The following FAT4 variants were observed in gnomAD, a reference collection of about 807,000 sequenced individuals.
The protein encoded by FAT4 is FAT atypical cadherin 4, also known as protocadherin Fat 4.
FAT4 carries 84 observed loss-of-function variants against 303.9 expected under a neutral mutation model. The ratio of observed to expected loss-of-function variants is 0.28; its 90% CI spans 0.23 to 0.33. FAT4 has a LOEUF of 0.33. FAT4 is among the 10% of genes least tolerant of loss of function. The pLI is 1.00. For missense variants in FAT4, 6,005 were observed against 6,146.8 expected (o/e 0.98, Z 0.77); for synonymous variants, 2,307 against 2,298.8 (o/e 1.00, Z -0.10).
intron 2 of FAT4, among the ~76,000 whole-genome samples, chr4:125,362,279 C>A (rs74974788): frequency 6.6e-6 from 1 of 151,576 alleles, no homozygotes; most frequent in Non-Finnish European, 1.5e-5. Flanking sequence ...CTATATATTT[C>A]TTTTCAAGAG....
At chr4:125,457,122 T>TACACACACAC (rs151245014) in intron 10 of FAT4, among the ~76,000 whole-genome samples, 2 of 81,378 alleles carry the variant, frequency 2.5e-5, no homozygotes, top group African/African-American at 1.9e-4. Context: ...GTTTCTCTCA[T>TACACACACAC]ACACACACAC....
chr4:125,413,522 C>G (rs1445396457), intron 5 of FAT4, among the ~76,000 whole-genome samples: 1 of 151,760 alleles, frequency 6.6e-6, no homozygotes, highest in Admixed American at 6.6e-5. Flanking sequence ...AAGTCATTGT[C>G]TGAAAGTTAT....
chr4:125,333,262 G>A (rs918093664), intron 2 of FAT4, among the ~76,000 whole-genome samples: 8 of 151,606 alleles, frequency 5.3e-5, no homozygotes, highest in Admixed American at 6.6e-5. Context: ...ACAAACACAG[G>A]GTAAACAAAG....
intron 12 of FAT4, 53 bp downstream of exon 12, chr4:125,468,872 A>C: frequency 6.5e-7 from 1 of 1,527,218 alleles, no homozygotes; most frequent in South Asian, 1.2e-5. Flanking sequence ...CTTCAAATAA[A>C]GTATGAATTG....
At position 125,317,824 on chromosome 4, in the gene FAT4, T is replaced by C; in HGVS notation, c.1413T>C (p.His471=). The part of the protein sequence containing the change: ...LVIFVNDIND[H]PPVFSQQVYR... ...TTTTTGTTAATGACATCAATGACCA[T>C]CCTCCTGTCTTTTCACAGCAAGTGT... Residue 471 remains histidine (H), a synonymous_variant, in exon 2 of 18, where the codon CAT becomes CAC. Transcript: ENST00000394329. This position sits in a 1 kb window ranked among gnomAD's most constrained non-coding sequence, Gnocchi z 7.0. 1 of 1,614,158 alleles carries C rather than the reference T, an allele frequency of 6.2e-7. No homozygotes were observed. Among genetic ancestry groups the C allele is most frequent in the Non-Finnish European group, 8.5e-7 (1 of 1,180,020 alleles).
intron 13 of FAT4, 40 bp downstream of exon 13, chr4:125,476,296 A>T (rs933944292): frequency 1.7e-6 from 2 of 1,159,272 alleles, no homozygotes; most frequent in Non-Finnish European, 2.4e-6. Context: ...TATTACTTAA[A>T]ATTTTTTAAA....
chr4:125,317,005 G>C lies in FAT4; in HGVS notation c.594G>C (p.Ala198=). 1 of 1,614,070 alleles carries C rather than the reference G, an allele frequency of 6.2e-7. No individual in the cohort carries two copies. Among genetic ancestry groups the C allele is most frequent in the Non-Finnish European group, 8.5e-7 (1 of 1,180,026 alleles). ...DITLNPSGEG[A]FLHLVSKGGL... is the part of the protein sequence containing the mutation. Reference sequence around the variant, plus strand: ...CCCTGAACCCGAGCGGCGAGGGAGCGTTCCTGCATCTGGTGTCCAAGGGCG... The same window carrying C: ...CCCTGAACCCGAGCGGCGAGGGAGCCTTCCTGCATCTGGTGTCCAAGGGCG... Residue 198 remains alanine (A), a synonymous_variant, in exon 2 of 18, where the codon GCG becomes GCC. Transcript: ENST00000394329. The surrounding 1 kb of genome is among the most constrained non-coding windows in gnomAD (Gnocchi z 7.0).
intron 3 of FAT4, among the ~76,000 whole-genome samples, chr4:125,406,576 T>C (rs914597989): frequency 3.3e-5 from 5 of 152,170 alleles, no homozygotes; most frequent in African/African-American, 1.2e-4. Context: ...AATTTGTAAA[T>C]TGCATAGATA....
At chr4:125,414,302 A>G (rs954298382) in intron 5 of FAT4, among the ~76,000 whole-genome samples, 1 of 152,156 alleles carries the variant, frequency 6.6e-6, no homozygotes, top group African/African-American at 2.4e-5. Flanking sequence ...ATATTTGGAA[A>G]GTTTTATGTA....
chr4:125,415,960 G>T (rs1393164119), intron 6 of FAT4, among the ~76,000 whole-genome samples, 154 bp downstream of exon 6: 1 of 152,122 alleles, frequency 6.6e-6, no homozygotes, highest in Non-Finnish European at 1.5e-5. Context: ...GAAAAGGAAA[G>T]GTTTATAAAC....
At chr4:125,488,706 C>T (rs1294959270) in intron 17 of FAT4, among the ~76,000 whole-genome samples, 1 of 152,118 alleles carries the variant, frequency 6.6e-6, no homozygotes. Flanking sequence ...GGATTTGAAG[C>T]ATCTTTGAGA....
chr4:125,394,654 GTGTTT>G (rs1296616562), intron 2 of FAT4, among the ~76,000 whole-genome samples: 1 of 152,032 alleles, frequency 6.6e-6, no homozygotes, highest in Non-Finnish European at 1.5e-5. Flanking sequence ...TTCAATTCTT[GTGTTT>G]TATATAACGT....
chr4:125,353,382 A>G (rs1358341068), intron 2 of FAT4, among the ~76,000 whole-genome samples: 1 of 151,710 alleles, frequency 6.6e-6, no homozygotes, highest in Non-Finnish European at 1.5e-5. Context: ...ATATTGTTTT[A>G]GAATATGATA....
At position 125,490,735 on chromosome 4, in the gene FAT4, AC is replaced by A. The variant is rs1346793302; in HGVS notation, c.13920del (p.Tyr4641ThrfsTer19). On this transcript the variant is annotated frameshift_variant, in exon 18 of 18. Transcript: ENST00000394329. LOFTEE classifies it high-confidence loss of function. ...CCTTCGGATGCAGACATCATTCAAC[AC>A]TACAAGCAGTTCCGCAGCCACACAC... ...IAPSDADIIQHYKQFRSHTPK... is the reference protein window; with the variant it reads ...IAPSDADIIQXYKQFRSHTPK... 6.2e-7 allele frequency: 1 copy of A among 1,614,118 alleles called. No homozygotes were observed. Among genetic ancestry groups the A allele is most frequent in the Admixed American group, 1.7e-5 (1 of 60,020 alleles).
Position 125,417,287 on chromosome 4 carries a change from C to A in FAT4, c.7018+665C>A, listed in dbSNP as rs147517911. ...AACATGTAGATGGTTCCAACCACTT[C>A]TCTTCTGATAGACATGGGTGAGTGA... On this transcript the variant is annotated intron_variant, in intron 7 of 17. Transcript: ENST00000394329. Among the ~76,000 whole-genome samples the A allele has an allele frequency of 2.4e-3, 363 of 152,214 alleles. 3 individuals are homozygous for A. Among genetic ancestry groups the A allele is most frequent in the Admixed American group, 8.1e-3 (124 of 15,288 alleles).
chr4:125,451,984 C>CT lies in FAT4; in HGVS notation c.10974_10975insT (p.Ser3659Ter). On this transcript the variant is annotated frameshift_variant, in exon 10 of 18. Transcript: ENST00000394329. LOFTEE classifies it high-confidence loss of function. ...ACTGCTCCCTTACTTCAGGAGTTAC[C>CT]AGCCTCTTCAGTATTCCAGGGGGTA... The CT allele has an allele frequency of 6.2e-7, 1 of 1,614,068 alleles. No homozygotes were observed. The highest frequency in any genetic ancestry group is 8.5e-7 in the Non-Finnish European group (1 of 1,179,994).
chr4:125,401,362 T>C (rs1448024525), intron 3 of FAT4, among the ~76,000 whole-genome samples: 2 of 151,988 alleles, frequency 1.3e-5, no homozygotes, highest in African/African-American at 4.8e-5. Context: ...TATTTTCTAC[T>C]TTATTCTCAG....
At chr4:125,408,314 G>A in intron 4 of FAT4, 130 bp from the exon 5 acceptor site, 1 of 576,462 alleles carries the variant, frequency 1.7e-6, no homozygotes, top group African/African-American at 1.9e-5. Context: ...TATGTTCACT[G>A]TATTTTCATA....
At chr4:125,448,431 G>T (rs541998576) in intron 9 of FAT4, 30 bp from the exon 10 acceptor site, 3 of 1,557,356 alleles carry the variant, frequency 1.9e-6, no homozygotes, top group Admixed American at 4.0e-5. Flanking sequence ...AATTCCACGT[G>T]AGTATAACTG....
Sources: gnomAD v4.1 joint callset for allele counts (sites outside exome capture counted in the v4.1 genomes callset) on GRCh38, gnomAD v4.1.1 for gene constraint, Gnocchi (gnomAD v3.1) non-coding constraint, MANE v1.5 for transcripts, NCBI Gene and HGNC (gene_info 2026-07-23, HGNC 2026-07-21) for gene names.